KIAA1958: variants seen among roughly 807,000 people sequenced by gnomAD.
KIAA1958 encodes uncharacterized protein KIAA1958.
KIAA1958 carries 14 observed loss-of-function variants against 47.2 expected under a neutral mutation model. The observed-to-expected ratio is 0.30, with a 90% CI of 0.20 to 0.46. The LOEUF (loss-of-function observed/expected upper bound fraction) is 0.46. KIAA1958 is among the 20% of genes least tolerant of loss of function. KIAA1958 has a pLI of 1.00. For synonymous variants in KIAA1958, 354 were observed against 353.3 expected (o/e 1.00, Z -0.02); for missense variants, 803 against 909.2 (o/e 0.88, Z 1.50).
intron 2 of KIAA1958, among the ~76,000 whole-genome samples, chr9:112,579,975 C>A: frequency 6.6e-6 from 1 of 152,212 alleles, no homozygotes; most frequent in East Asian, 1.9e-4. Context: ...TGCCTTCCTC[C>A]CTATTAGATT....
chr9:112,641,183 A>G (rs1045723348), intron 2 of KIAA1958, among the ~76,000 whole-genome samples: 1 of 152,166 alleles, frequency 6.6e-6, no homozygotes, highest in African/African-American at 2.4e-5. Flanking sequence ...TAATTTTTTT[A>G]AAGATAGGGT....
rs995364767 is a variant in KIAA1958 at position 112,662,380 on chromosome 9, C to T, written c.*2311C>T. 3 of 152,190 alleles carry T rather than the reference C, an allele frequency of 2.0e-5. No individual in the cohort carries two copies. Among genetic ancestry groups the T allele is most frequent in the Admixed American group, 2.0e-4 (3 of 15,280 alleles). The allele number at this position is 152,190 out of a possible 1,614,324, so 9.4% of individuals were successfully genotyped here. ...GTGCCAGCGTGTGCCACCCATTGTA[C>T]TAGGTACTTTATTATGCATTTATGT... is the stretch of plus-strand genomic sequence containing the variant. On this transcript the variant is annotated 3_prime_UTR_variant, in exon 4 of 4. Transcript: ENST00000337530.
chr9:112,496,064 A>AG (rs1467419452), intron 1 of KIAA1958, among the ~76,000 whole-genome samples: 7 of 152,228 alleles, frequency 4.6e-5, no homozygotes, highest in African/African-American at 9.6e-5. Context: ...GAACAAGTCC[A>AG]GGTAAAGCCA....
intron 1 of KIAA1958, among the ~76,000 whole-genome samples, chr9:112,518,150 T>A (rs62567852): frequency 2.0e-5 from 3 of 152,042 alleles, no homozygotes; most frequent in African/African-American, 4.8e-5. Flanking sequence ...CCCAGGAATA[T>A]AAGGCTGCAG....
At chr9:112,626,461 T>TA (rs2131224835) in intron 2 of KIAA1958, among the ~76,000 whole-genome samples, 1 of 152,276 alleles carries the variant, frequency 6.6e-6, no homozygotes, top group African/African-American at 2.4e-5. Flanking sequence ...TTTTTACCAT[T>TA]TATACATTCA....
intron 2 of KIAA1958, among the ~76,000 whole-genome samples, chr9:112,626,747 A>G (rs1002322822): frequency 1.4e-4 from 21 of 151,978 alleles, no homozygotes; most frequent in Admixed American, 7.9e-4. Context: ...TTTTATATCT[A>G]TAACCCATTA....
At chr9:112,560,198 CTTTTTTTTTCTTTTTTT>C (rs1418655613) in intron 1 of KIAA1958, among the ~76,000 whole-genome samples, 1 of 108,664 alleles carries the variant, frequency 9.2e-6, no homozygotes, top group East Asian at 2.4e-4. Flanking sequence ...TTTTCTTTTT[CTTTTTTTTTCTTTTTTT>C]GAAGAGATAG....
At chr9:112,611,759 G>A (rs976925379) in intron 2 of KIAA1958, among the ~76,000 whole-genome samples, 5 of 152,050 alleles carry the variant, frequency 3.3e-5, no homozygotes, top group African/African-American at 9.7e-5. Context: ...TTATACAAAA[G>A]TTTTAAAATA....
chr9:112,600,581 A>T (rs1836112920), intron 2 of KIAA1958, among the ~76,000 whole-genome samples: 1 of 152,180 alleles, frequency 6.6e-6, no homozygotes, highest in Non-Finnish European at 1.5e-5. Context: ...AGCTTTATGG[A>T]ATGGACGGTC....
rs571781213 is a variant in KIAA1958 at position 112,572,848 on chromosome 9, C to G, written c.-24-1209C>G. ...TAAAGGATTTGAACTTACCTAACCT[C>G]CCTGACAGGGCGCCATGGAGTCAGG... On this transcript the variant is annotated intron_variant, in intron 1 of 3. Transcript: ENST00000337530. Among the ~76,000 whole-genome samples the G allele has an allele frequency of 3.6e-4, 55 of 152,330 alleles. 1 individual carries two copies. Among genetic ancestry groups the G allele is most frequent in the South Asian group, 2.9e-3 (14 of 4,830 alleles).
At chr9:112,604,746 C>G (rs183672142) in intron 2 of KIAA1958, among the ~76,000 whole-genome samples, 1 of 152,018 alleles carries the variant, frequency 6.6e-6, no homozygotes, top group Admixed American at 6.6e-5. Context: ...TTATCATACT[C>G]AAGTGAAAGC....
intron 2 of KIAA1958, among the ~76,000 whole-genome samples, chr9:112,593,161 AAAC>A (rs1250431131): frequency 1.3e-5 from 2 of 152,204 alleles, no homozygotes; most frequent in Non-Finnish European, 2.9e-5. Flanking sequence ...TTTAAATTAA[AAAC>A]AAAATCTTTT....
chr9:112,520,621 G>A (rs1309610986), intron 1 of KIAA1958, among the ~76,000 whole-genome samples: 3 of 152,168 alleles, frequency 2.0e-5, no homozygotes, highest in Non-Finnish European at 2.9e-5. Context: ...AGAAATCAAT[G>A]AATTTTTCAC....
At chr9:112,577,687 GATAGTAA>G (rs1473942342) in intron 2 of KIAA1958, among the ~76,000 whole-genome samples, 1 of 151,212 alleles carries the variant, frequency 6.6e-6, no homozygotes, top group African/African-American at 2.4e-5. Context: ...CTGCCTTGTG[GATAGTAA>G]ATGAGGCACT....
chr9:112,543,961 T>C (rs1588010619), intron 1 of KIAA1958, among the ~76,000 whole-genome samples: 1 of 152,206 alleles, frequency 6.6e-6, no homozygotes, highest in Non-Finnish European at 1.5e-5. Context: ...ATATGAAATG[T>C]CTGTCATGGA....
chr9:112,619,121 G>A (rs1836455870), intron 2 of KIAA1958: 4 of 349,466 alleles, frequency 1.1e-5, no homozygotes, highest in Non-Finnish European at 1.2e-5. Context: ...TAAGACAAAT[G>A]TACTTGTGGG....
At chr9:112,616,601 T>C (rs1836411416) in intron 2 of KIAA1958, among the ~76,000 whole-genome samples, 1 of 152,244 alleles carries the variant, frequency 6.6e-6, no homozygotes, top group African/African-American at 2.4e-5. Flanking sequence ...TTGTTTGAAA[T>C]TAACCTCTGT....
At chr9:112,546,939 A>T (rs910585857) in intron 1 of KIAA1958, among the ~76,000 whole-genome samples, 14 of 151,964 alleles carry the variant, frequency 9.2e-5, no homozygotes, top group Middle Eastern at 3.4e-3. Flanking sequence ...AGAAATAAGA[A>T]ATATGTATAT....
Position 112,659,716 on chromosome 9 carries a change from A to G in KIAA1958, c.1798A>G (p.Ser600Gly), listed in dbSNP as rs769216522. ...QNQPYFARTD[S>G]VKRESRSGST... ...CCAGCCCTACTTTGCCCGGACGGAC[A>G]GCGTCAAGCGGGAGAGTCGGAGCGG... Residue 600 changes from serine (S) to glycine (G), a missense_variant, in exon 4 of 4, where the codon AGC (serine) becomes GGC (glycine). This residue lies in a region of KIAA1958 where 761 missense variants were observed against 829.3 expected (regional missense o/e 0.92). Transcript: ENST00000337530. 2.5e-6 allele frequency: 4 copies of G among 1,614,204 alleles called. No homozygotes were observed. The highest frequency in any genetic ancestry group is 3.4e-6 in the Non-Finnish European group (4 of 1,180,030).
Sources: allele counts gnomAD v4.1 joint callset (sites outside exome capture counted in the v4.1 genomes callset), GRCh38; gene constraint gnomAD v4.1.1; regional missense constraint gnomAD v4.1.1; transcripts MANE v1.5; gene names NCBI Gene and HGNC (gene_info 2026-07-23, HGNC 2026-07-21).